Variants in POLQ observed in about 807,000 individuals in gnomAD.
POLQ encodes the protein epididymis secretory sperm binding protein.
POLQ carries 233 observed loss-of-function variants against 259.2 expected under a neutral mutation model. The observed-to-expected ratio is 0.90, with a 90% CI of 0.81 to 1.00. The LOEUF (loss-of-function observed/expected upper bound fraction) is 1.00. Ranked by LOEUF, POLQ falls within the 50% of genes least tolerant of loss-of-function variation. POLQ has a pLI of 0.00. For synonymous variants in POLQ, 1,025 were observed against 1,048.8 expected, an observed-to-expected ratio of 0.98 and a Z score of 0.44; for missense variants, 2,871 against 3,051.6, an observed-to-expected ratio of 0.94 and a Z score of 1.39.
intron 9 of POLQ, among the ~76,000 whole-genome samples, chr3:121,518,485 G>A (rs564136819): frequency 6.2e-4 from 95 of 152,206 alleles, no homozygotes; most frequent in Middle Eastern, 3.4e-3. Flanking sequence ...CAAATTTTTC[G>A]CAGATCTGCA....
In POLQ at chr3:121,511,979, G is replaced by C. The variant is rs1455648681; in HGVS notation, c.1519C>G (p.Leu507Val). The C allele has an allele frequency of 1.2e-6, 2 of 1,613,388 alleles. No individual in the cohort carries two copies. Among genetic ancestry groups the C allele is most frequent in the South Asian group, 2.2e-5 (2 of 91,024 alleles). ...KNSEKSKGIALLQGSLKPVRS... is the reference protein window; with the variant it reads ...KNSEKSKGIAVLQGSLKPVRS... ...ACAGGCTTTAGAGAACCCTGAAGGA[G>C]AGCTATGCCTTTTGATTTCTCAGAG... The change falls in exon 10 of 30, where the codon CTC (leucine) becomes GTC (valine). Residue 507 changes from leucine to valine, a missense_variant. Physicochemically the swap from Leu to Val is conservative, Grantham distance 32. Around this residue, in one of 3 missense-constraint regions of POLQ, gnomAD observed 783 missense variants for 906.2 expected, o/e 0.86. Transcript: ENST00000264233.
rs773454524 is a variant in POLQ at position 121,460,199 on chromosome 3, C to A, written c.7003G>T (p.Glu2335Ter). ...GATAAATGAGCCAAGATCCTCAGTT[C>A]AAGCTGAGAGTAGTCAGCAGCCAGT... Reference protein sequence around the residue: ...SILAADYSQLELRILAHLSHD... With the variant: ...SILAADYSQL The change falls in exon 25 of 30, where the codon GAA becomes TAA. Residue 2335 changes from glutamate to a stop codon, truncating the protein, a stop_gained. Transcript: ENST00000264233. LOFTEE classifies it high-confidence loss of function. The A allele has an allele frequency of 6.2e-7, 1 of 1,613,662 alleles. No homozygotes were observed. The highest frequency in any genetic ancestry group is 8.5e-7 in the Non-Finnish European group (1 of 1,179,600).
chr3:121,487,934 G>C lies in POLQ; in HGVS notation c.4997C>G (p.Ser1666Cys), dbSNP rs2048027904. The change falls in exon 16 of 30, where the codon TCC (serine) becomes TGC (cysteine). Residue 1666 changes from serine to cysteine, a missense_variant. Around this residue, in one of 3 missense-constraint regions of POLQ, gnomAD observed 2,080 missense variants for 2,126.0 expected, o/e 0.98. Transcript: ENST00000264233. The part of the protein sequence containing the change: ...EKLKSMTINF[S>C]SLNRKNTELN... Reference sequence around the variant, plus strand: ...CTCTGTATTTTTTCTATTCAAACTGGAAAAGTTTATAGTCATTGATTTTAG... The same window carrying C: ...CTCTGTATTTTTTCTATTCAAACTGCAAAAGTTTATAGTCATTGATTTTAG... 6.2e-7 allele frequency: 1 copy of C among 1,602,602 alleles called. No homozygotes were observed. The highest frequency in any genetic ancestry group is 1.3e-5 in the African/African-American group (1 of 74,148).
At chr3:121,484,738 T>C (rs1250750951) in intron 17 of POLQ, among the ~76,000 whole-genome samples, 1 of 151,780 alleles carries the variant, frequency 6.6e-6, no homozygotes, top group East Asian at 1.9e-4. Flanking sequence ...CTGTCTCTAC[T>C]AAAAAAATAC....
intron 16 of POLQ, 125 bp from the exon 17 acceptor site, chr3:121,485,309 A>C (rs1174165385): frequency 3.0e-5 from 17 of 569,952 alleles, no homozygotes; most frequent in Admixed American, 2.9e-4. Flanking sequence ...TAAAATATGC[A>C]TTTGGACAGT....
At position 121,514,341 on chromosome 3, in the gene POLQ, AC is replaced by A. The variant is rs1211502054; in HGVS notation, c.1469-2313del. 1.3e-4 allele frequency among the ~76,000 whole-genome samples: 19 copies of A among 145,596 alleles called. No homozygotes were observed. The South Asian group carries it at 2.8e-3, about 21-fold the overall frequency. On this transcript the variant is annotated intron_variant, in intron 9 of 29. Coordinates refer to ENST00000264233, the MANE Select transcript of POLQ (RefSeq NM_199420.4). The stretch of plus-strand genomic sequence containing the variant: ...AAAATTCCGTGTATTAAAAAAAAAA[AC>A]AACAACAACAACAATAACCAAAAAA...
chr3:121,501,233 T>A (rs866397919), intron 12 of POLQ, among the ~76,000 whole-genome samples: 41 of 152,028 alleles, frequency 2.7e-4, no homozygotes, highest in Admixed American at 9.2e-4. Context: ...GTGCTGGGAT[T>A]ACAGGCATGA....
chr3:121,542,059 C>T (rs556803788), intron 2 of POLQ, among the ~76,000 whole-genome samples: 2 of 151,654 alleles, frequency 1.3e-5, no homozygotes, highest in South Asian at 4.2e-4. Context: ...TTGCTTGATC[C>T]TGGGAGGCAG....
chr3:121,474,320 C>T (rs551273638), intron 20 of POLQ, among the ~76,000 whole-genome samples: 7 of 152,254 alleles, frequency 4.6e-5, no homozygotes, highest in African/African-American at 1.4e-4. Context: ...GTGGCCAATA[C>T]AATGTGGCAA....
chr3:121,507,881 T>C (rs1460532461), intron 12 of POLQ, among the ~76,000 whole-genome samples: 1 of 152,060 alleles, frequency 6.6e-6, no homozygotes, highest in Non-Finnish European at 1.5e-5. Flanking sequence ...AGACACGAGG[T>C]CTCTTGCTGT....
intron 8 of POLQ, among the ~76,000 whole-genome samples, chr3:121,521,304 G>A (rs2048334799): frequency 6.6e-6 from 1 of 152,034 alleles, no homozygotes; most frequent in African/African-American, 2.4e-5. Flanking sequence ...GTATATAGAG[G>A]GTTTGGTACT....
At chr3:121,520,712 T>C (rs559055016) in intron 8 of POLQ, among the ~76,000 whole-genome samples, 4 of 152,166 alleles carry the variant, frequency 2.6e-5, no homozygotes, top group Non-Finnish European at 4.4e-5. Flanking sequence ...GGCATGACTG[T>C]GTTCCAATAA....
At chr3:121,529,588 A>G in intron 7 of POLQ, 57 bp downstream of exon 7, 1 of 1,521,122 alleles carries the variant, frequency 6.6e-7, no homozygotes, top group African/African-American at 1.4e-5. Context: ...AATCACTACC[A>G]TTACTTTCAA....
At chr3:121,541,811 T>C (rs893291692) in intron 2 of POLQ, among the ~76,000 whole-genome samples, 5 of 152,130 alleles carry the variant, frequency 3.3e-5, no homozygotes, top group African/African-American at 1.2e-4. Flanking sequence ...AATTTTATTA[T>C]GATAGGAGCT....
chr3:121,509,670 G>T lies in POLQ; in HGVS notation c.1850C>A (p.Ala617Asp), dbSNP rs2048236787. 6.2e-7 allele frequency: 1 copy of T among 1,613,792 alleles called. No homozygotes were observed. The highest frequency in any genetic ancestry group is 8.5e-7 in the Non-Finnish European group (1 of 1,179,770). Residue 617 changes from alanine (A) to aspartate (D), a missense_variant, in exon 12 of 30, where the codon GCC becomes GAC. Coordinates refer to ENST00000264233, the MANE Select transcript of POLQ (RefSeq NM_199420.4). ...TGGAGAAAGTGAAGAAGAAAGAGTGGCCGAACCAAGATGTGTTGGATGATA... is the reference window on the plus strand; with the variant it reads ...TGGAGAAAGTGAAGAAGAAAGAGTGTCCGAACCAAGATGTGTTGGATGATA... The part of the protein sequence containing the change: ...KVYHPTHLGS[A>D]TLSSSLSPAD...
intron 23 of POLQ, 80 bp from the exon 24 acceptor site, chr3:121,467,720 G>A (rs2047850368): frequency 7.2e-7 from 1 of 1,397,452 alleles, no homozygotes; most frequent in Non-Finnish European, 1.0e-6. Context: ...AGTAACATCA[G>A]TATTTCCGTC....
At chr3:121,467,681 C>T in intron 23 of POLQ, 41 bp from the exon 24 acceptor site, 1 of 1,596,280 alleles carries the variant, frequency 6.3e-7, no homozygotes, top group Non-Finnish European at 8.6e-7. Flanking sequence ...ATGAAGCAGT[C>T]TCAAATATAT....
intron 26 of POLQ, among the ~76,000 whole-genome samples, chr3:121,443,859 A>T (rs1163535921): frequency 6.6e-6 from 1 of 152,006 alleles, no homozygotes. Flanking sequence ...TCCCCAGTGC[A>T]TGTTCTTGGT....
intron 2 of POLQ, among the ~76,000 whole-genome samples, chr3:121,543,104 G>A (rs1378963466): frequency 6.6e-6 from 1 of 152,172 alleles, no homozygotes; most frequent in Non-Finnish European, 1.5e-5. Flanking sequence ...ACCAGGTAAT[G>A]GACCTAAAAA....
Sources: allele counts gnomAD v4.1 joint callset (sites outside exome capture counted in the v4.1 genomes callset), GRCh38; gene constraint gnomAD v4.1.1; regional missense constraint gnomAD v4.1.1; transcripts MANE v1.5; gene names NCBI Gene and HGNC (gene_info 2026-07-23, HGNC 2026-07-21).